The following STK3 variants were observed in gnomAD, a reference collection of about 807,000 sequenced individuals.
STK3 encodes serine/threonine kinase 3.
In STK3, 41 loss-of-function variants were observed where a neutral mutation model predicts 58.0. The ratio of observed to expected loss-of-function variants is 0.71; its 90% CI spans 0.55 to 0.92. The LOEUF (loss-of-function observed/expected upper bound fraction) is 0.92. Among genes scored for constraint, STK3 ranks in the 40% least tolerant of loss-of-function variants. The pLI, the probability that STK3 is intolerant of heterozygous loss-of-function variation, is 0.00. For synonymous variants in STK3, 170 were observed against 191.0 expected (o/e 0.89, Z 0.91); for missense variants, 479 against 602.7 (o/e 0.79, Z 2.15).
chr8:98,383,132 T>A (rs1405684497), intron 1 of STK3, among the ~76,000 whole-genome samples: 2 of 152,188 alleles, frequency 1.3e-5, no homozygotes, highest in Non-Finnish European at 2.9e-5. Context: ...GTTTGTCTCA[T>A]TCATCCTTAA....
At chr8:98,496,462 A>G (rs1053785844) in intron 10 of STK3, among the ~76,000 whole-genome samples, 3 of 152,152 alleles carry the variant, frequency 2.0e-5, no homozygotes, top group African/African-American at 7.2e-5. Flanking sequence ...GAAATATACA[A>G]CCTATACTCT....
intron 6 of STK3, among the ~76,000 whole-genome samples, chr8:98,648,823 G>T (rs531436938): frequency 5.3e-5 from 8 of 151,420 alleles, no homozygotes; most frequent in African/African-American, 1.9e-4. Flanking sequence ...ACCTGGAGGC[G>T]GAAGTTGCAG....
At chr8:98,401,740 C>T (rs893909095) in intron 3 of STK3, among the ~76,000 whole-genome samples, 1 of 152,160 alleles carries the variant, frequency 6.6e-6, no homozygotes, top group African/African-American at 2.4e-5. Flanking sequence ...CTACCTCTTC[C>T]CAGTCTCATC....
intron 10 of STK3, among the ~76,000 whole-genome samples, chr8:98,502,225 G>A (rs1023244127): frequency 1.2e-4 from 18 of 152,068 alleles, no homozygotes; most frequent in African/African-American, 4.1e-4. Flanking sequence ...TTGGTGTATA[G>A]GAATGCTTGT....
At chr8:98,749,860 A>G (rs1477576695) in intron 3 of STK3, among the ~76,000 whole-genome samples, 1 of 152,110 alleles carries the variant, frequency 6.6e-6, no homozygotes, top group African/African-American at 2.4e-5. Flanking sequence ...AAAATTATAA[A>G]TTTTTCTGCT....
At chr8:98,477,209 T>G (rs923575623) in intron 10 of STK3, among the ~76,000 whole-genome samples, 3 of 152,080 alleles carry the variant, frequency 2.0e-5, no homozygotes, top group African/African-American at 7.2e-5. Flanking sequence ...GCCAAAAGAG[T>G]AGTAAATTCA....
At chr8:98,487,244 A>G (rs1218657134) in intron 10 of STK3, among the ~76,000 whole-genome samples, 1 of 152,224 alleles carries the variant, frequency 6.6e-6, no homozygotes, top group Non-Finnish European at 1.5e-5. Context: ...CACACAGTAT[A>G]AAGGAAGGAG....
chr8:98,826,750 C>A (rs1203590100), upstream of STK3, among the ~76,000 whole-genome samples: 1 of 145,358 alleles, frequency 6.9e-6, no homozygotes. Flanking sequence ...ATGGGCCGGG[C>A]GCGGTGGCTC....
intron 3 of STK3, chr8:98,429,897 C>G (rs921745754): frequency 1.8e-5 from 3 of 168,406 alleles, no homozygotes; most frequent in African/African-American, 7.2e-5. Context: ...AACAAAATCT[C>G]AGCTCTTTAT....
At chr8:98,550,822 T>C (rs1694505548) in intron 8 of STK3, among the ~76,000 whole-genome samples, 2 of 152,212 alleles carry the variant, frequency 1.3e-5, no homozygotes, top group Admixed American at 1.3e-4. Context: ...GCAAAATGCC[T>C]GCATGCTACC....
At chr8:98,850,092 G>A (rs1836390025) in intron 3 of STK3, among the ~76,000 whole-genome samples, 1 of 151,992 alleles carries the variant, frequency 6.6e-6, no homozygotes, top group Non-Finnish European at 1.5e-5. Flanking sequence ...TTTCTGCAAG[G>A]TGAAGTCTAT....
At chr8:98,610,413 C>A (rs1817105774) in intron 6 of STK3, among the ~76,000 whole-genome samples, 1 of 152,182 alleles carries the variant, frequency 6.6e-6, no homozygotes, top group Non-Finnish European at 1.5e-5. Context: ...GCAATACTGC[C>A]TAGCTTCATT....
At chr8:98,487,226 T>C (rs768465323) in intron 10 of STK3, among the ~76,000 whole-genome samples, 12 of 152,180 alleles carry the variant, frequency 7.9e-5, no homozygotes, top group Non-Finnish European at 1.5e-4. Flanking sequence ...AGTATACAGA[T>C]AAAGTGCCAC....
In STK3 at chr8:98,542,256, T is replaced by C. The variant is rs373421626; in HGVS notation, c.1141+5713A>G. Among the ~76,000 whole-genome samples the C allele has an allele frequency of 1.7e-4, 26 of 152,324 alleles. 2 individuals are homozygous for C. Among genetic ancestry groups the C allele is most frequent in the East Asian group, 1.2e-3 (6 of 5,190 alleles). ...ATGTAAATGTACTTTTATACTTCCA[T>C]GACACTCTCCTCATTTTCTCAAAGA... On this transcript the variant is annotated intron_variant, in intron 9 of 10. Transcript: ENST00000419617.
intron 10 of STK3, among the ~76,000 whole-genome samples, chr8:98,486,807 T>G (rs893715512): frequency 6.6e-6 from 1 of 152,214 alleles, no homozygotes; most frequent in South Asian, 2.1e-4. Flanking sequence ...AAGAATGTAA[T>G]GAGTTCCAGG....
rs192231718 is a variant in STK3 at position 98,767,386 on chromosome 8, G to C, written c.108-15C>G. 480 of 1,572,534 alleles carry C rather than the reference G, an allele frequency of 3.1e-4. No homozygotes were observed. The Middle Eastern group carries it at 3.2e-3, about 10-fold the overall frequency. ...TTCCATAAGACCTAAAAGAAACCAA[G>C]ACATTATTTTTTTCCTATCAAACAT... On this transcript the variant is annotated splice_polypyrimidine_tract_variant and intron_variant, in intron 2 of 10. Coordinates refer to ENST00000419617, the MANE Select transcript of STK3 (RefSeq NM_006281.4).
chr8:98,757,274 G>A (rs1000531938), intron 3 of STK3, among the ~76,000 whole-genome samples: 10 of 149,260 alleles, frequency 6.7e-5, no homozygotes, highest in Admixed American at 2.0e-4. Context: ...TCTGCCTCCC[G>A]GGTTCAAGCG....
At chr8:98,905,205 G>A in intron 1 of STK3, 4 of 964,446 alleles carry the variant, frequency 4.1e-6, no homozygotes, top group Non-Finnish European at 6.8e-6. Context: ...CATTCCAGGG[G>A]CAGTCCGAAG....
At chr8:98,638,180 T>C (rs145754807) in intron 6 of STK3, among the ~76,000 whole-genome samples, 30 of 152,316 alleles carry the variant, frequency 2.0e-4, no homozygotes, top group African/African-American at 6.7e-4. Context: ...CATTAATTAA[T>C]TCCTTAAGTA....
Sources: gnomAD v4.1 joint callset for allele counts (sites outside exome capture counted in the v4.1 genomes callset) on GRCh38, gnomAD v4.1.1 for gene constraint, MANE v1.5 for transcripts, NCBI Gene and HGNC (gene_info 2026-07-23, HGNC 2026-07-21) for gene names.